Variants in TRIM5 observed in about 807,000 individuals in gnomAD.
TRIM5 encodes the protein tripartite motif-containing protein 5.
In TRIM5, 31 loss-of-function variants were observed where a neutral mutation model predicts 35.6. The ratio of observed to expected loss-of-function variants is 0.87; its 90% CI spans 0.65 to 1.18. The LOEUF (loss-of-function observed/expected upper bound fraction) is 1.18, where lower values mean the gene tolerates loss of function less well. TRIM5 is among the 50% of genes most tolerant of loss of function. The probability of loss-of-function intolerance (pLI) is 0.00; values close to 1 mark genes in which losing one functional copy is unlikely to be tolerated. For missense variants in TRIM5, 609 were observed against 591.6 expected (o/e 1.03, Z -0.31); for synonymous variants, 243 against 215.6 (o/e 1.13, Z -1.11).
the TRIM5 span, among the ~76,000 whole-genome samples, chr11:5,598,591 T>C: frequency 6.6e-6 from 1 of 152,146 alleles, no homozygotes; most frequent in East Asian, 1.9e-4. Context: ...GTGATCAACA[T>C]AAAAAAATTA....
At chr11:5,591,649 CAAA>C in the TRIM5 span, among the ~76,000 whole-genome samples, 1 of 119,014 alleles carries the variant, frequency 8.4e-6, no homozygotes, top group Non-Finnish European at 1.8e-5. Context: ...AACTCCGCCT[CAAA>C]AAAAAAAAAA....
At chr11:5,643,482 T>C in the TRIM5 span, 39 of 1,614,042 alleles carry the variant, frequency 2.4e-5, no homozygotes, top group Non-Finnish European at 3.3e-5. Flanking sequence ...CTTTGAAGAG[T>C]CTTTGTCCTC....
the TRIM5 span, among the ~76,000 whole-genome samples, chr11:5,648,228 C>T: frequency 4.6e-5 from 7 of 152,192 alleles, no homozygotes; most frequent in East Asian, 3.9e-4. Flanking sequence ...GCTTCGGGGC[C>T]GGGCGCGGTG....
the TRIM5 span, among the ~76,000 whole-genome samples, chr11:5,640,836 C>G: frequency 6.6e-6 from 1 of 151,998 alleles, no homozygotes; most frequent in Admixed American, 6.6e-5. Flanking sequence ...TGTTTTAGGC[C>G]TATTCATATT....
chr11:5,634,016 T>C, the TRIM5 span: 6 of 1,087,490 alleles, frequency 5.5e-6, no homozygotes, highest in Non-Finnish European at 7.8e-6. Flanking sequence ...ATTTGATTAG[T>C]TCTCTTCTCT....
At chr11:5,654,302 A>G in the TRIM5 span, among the ~76,000 whole-genome samples, 1 of 152,180 alleles carries the variant, frequency 6.6e-6, no homozygotes, top group Non-Finnish European at 1.5e-5. Context: ...ACAGATTTTC[A>G]TAGAAAAATA....
At chr11:5,638,939 A>G in the TRIM5 span, among the ~76,000 whole-genome samples, 1 of 152,222 alleles carries the variant, frequency 6.6e-6, no homozygotes, top group South Asian at 2.1e-4. Flanking sequence ...TATACATTTT[A>G]AGCTCTATGC....
At chr11:5,603,503 A>C in the TRIM5 span, 1 of 1,614,164 alleles carries the variant, frequency 6.2e-7, no homozygotes, top group South Asian at 1.1e-5. Flanking sequence ...ACCAGCTACC[A>C]GCCAGGGAAC....
At position 5,681,342 on chromosome 11, in the gene TRIM5, C is replaced by T. The variant is rs571144987; in HGVS notation, c.-61-1104G>A. On this transcript the variant is annotated intron_variant, in intron 1 of 7. Transcript: ENST00000380034. Reference sequence around the variant, plus strand: ...TACAGGGAGAAGGCCTAGAAAATATCTCCAGACCAACTCAAAATTACAAAG... The same window carrying T: ...TACAGGGAGAAGGCCTAGAAAATATTTCCAGACCAACTCAAAATTACAAAG... Among the ~76,000 whole-genome samples, 16 of 152,314 alleles carry T rather than the reference C, an allele frequency of 1.1e-4. No homozygotes were observed. In the East Asian group the frequency reaches 2.9e-3, roughly 27 times the overall value.
chr11:5,603,102 G>C, the TRIM5 span: 2 of 1,383,266 alleles, frequency 1.4e-6, no homozygotes, highest in East Asian at 2.4e-5. Flanking sequence ...TATGAGCCGG[G>C]ATAAAGAACG....
the TRIM5 span, among the ~76,000 whole-genome samples, chr11:5,650,272 C>A: frequency 8.9e-4 from 135 of 152,316 alleles, 1 homozygote; most frequent in South Asian, 4.1e-3. Flanking sequence ...CTATTCAAAC[C>A]ATTGGCCATT....
At chr11:5,604,457 T>C in the TRIM5 span, 1 of 1,477,142 alleles carries the variant, frequency 6.8e-7, no homozygotes, top group Non-Finnish European at 9.1e-7. Flanking sequence ...GCAGAATCTC[T>C]GTCCCATTCA....
At chr11:5,618,840 A>G in the TRIM5 span, among the ~76,000 whole-genome samples, 1 of 152,196 alleles carries the variant, frequency 6.6e-6, no homozygotes, top group Non-Finnish European at 1.5e-5. Context: ...CATAAGGAGG[A>G]CACAAATCTC....
In TRIM5 at chr11:5,665,126, T is replaced by C; in HGVS notation, c.1165A>G (p.Lys389Glu). 2 of 1,614,122 alleles carry C rather than the reference T, an allele frequency of 1.2e-6. No homozygotes were observed. The highest frequency in any genetic ancestry group is 1.7e-6 in the Non-Finnish European group (2 of 1,180,006). The change falls in exon 8 of 8, where the codon AAA becomes GAA. Residue 389 changes from lysine to glutamate, a missense_variant. Coordinates refer to ENST00000380034, the MANE Select transcript of TRIM5 (RefSeq NM_033034.3). The stretch of plus-strand genomic sequence containing the variant: ...TATTTAGGTTGATAATTTTCATTTT[T>C]TTCAATATTACACATTGCATCAGGT... ...FQPDAMCNIE[K>E]NENYQPKYGY...
intron 4 of TRIM5, among the ~76,000 whole-genome samples, chr11:5,672,052 G>C (rs1401808322): frequency 6.6e-6 from 1 of 152,094 alleles, no homozygotes; most frequent in Non-Finnish European, 1.5e-5. Flanking sequence ...TAATAGATGA[G>C]AGAAAAGACT....
At chr11:5,594,333 A>C in the TRIM5 span, among the ~76,000 whole-genome samples, 1 of 152,080 alleles carries the variant, frequency 6.6e-6, no homozygotes, top group South Asian at 2.1e-4. Context: ...TTTGAGACTG[A>C]TTATCACTGT....
chr11:5,665,195 A>C lies in TRIM5; in HGVS notation c.1096T>G (p.Ser366Ala). Residue 366 changes from serine (S) to alanine (A), a missense_variant, in exon 8 of 8, where the codon TCC becomes GCC. Ser to Ala is a moderately conservative substitution (Grantham distance 99, BLOSUM62 1). Coordinates refer to ENST00000380034, the MANE Select transcript of TRIM5 (RefSeq NM_033034.3). The part of the protein sequence containing the change: ...SGKHYWEVDV[S>A]KKTAWILGVC... ...CCCAGGATCCAAGCAGTTTTCTTGGACACGTCTACCTCCCAGTAATGTTTC... is the reference window on the plus strand; with the variant it reads ...CCCAGGATCCAAGCAGTTTTCTTGGCCACGTCTACCTCCCAGTAATGTTTC... 1 of 1,614,118 alleles carries C rather than the reference A, an allele frequency of 6.2e-7. No homozygotes were observed. Among genetic ancestry groups the C allele is most frequent in the African/African-American group, 1.3e-5 (1 of 75,038 alleles).
chr11:5,637,034 G>A, the TRIM5 span, among the ~76,000 whole-genome samples: 3 of 152,154 alleles, frequency 2.0e-5, no homozygotes, highest in Non-Finnish European at 4.4e-5. Flanking sequence ...AAATTAGCTG[G>A]TGATGGCGGC....
chr11:5,610,816 T>G, the TRIM5 span: 4 of 1,614,076 alleles, frequency 2.5e-6, no homozygotes, highest in African/African-American at 5.3e-5. Flanking sequence ...AATTTAAATC[T>G]TGTCCTGGCT....
Sources: allele counts gnomAD v4.1 joint callset (sites outside exome capture counted in the v4.1 genomes callset), GRCh38; gene constraint gnomAD v4.1.1; transcripts MANE v1.5; gene names NCBI Gene and HGNC (gene_info 2026-07-23, HGNC 2026-07-21).